Variants in TRPM7 observed in about 807,000 individuals in gnomAD.
The protein encoded by TRPM7 is transient receptor potential cation channel subfamily M member 7.
Under a neutral mutation model 229.7 loss-of-function variants are expected in TRPM7, and 134 were observed. That is an observed-to-expected ratio of 0.58 (90% confidence interval 0.51 to 0.67). The LOEUF is 0.67. TRPM7 is among the 30% of genes least tolerant of loss of function. TRPM7 has a pLI of 0.00. For missense variants in TRPM7, 1,901 were observed against 2,210.0 expected (o/e 0.86, Z 2.80); for synonymous variants, 699 against 715.2 (o/e 0.98, Z 0.36).
intron 36 of TRPM7, among the ~76,000 whole-genome samples, chr15:50,571,283 T>C (rs1447458703): frequency 6.6e-6 from 1 of 152,228 alleles, no homozygotes; most frequent in Non-Finnish European, 1.5e-5. Flanking sequence ...CTGAGTATGA[T>C]TTCTGATAAG....
rs575428448 is a variant in TRPM7, at chr15:50,567,680, G to A, written c.5467+2207C>T. On this transcript the variant is annotated intron_variant, in intron 38 of 38. Transcript: ENST00000646667. ...TGGCTCAACATTAAAAAAATCAATC[G>A]ATGTAATACACTATATTAACCTATT... Among the ~76,000 whole-genome samples, 69 of 151,702 alleles carry A rather than the reference G, an allele frequency of 4.5e-4. 1 individual carries two copies. In the South Asian group the frequency reaches 0.013, roughly 29 times the overall value.
Position 50,614,132 on chromosome 15 carries a change from T to C in TRPM7, c.1626A>G (p.Gly542=), listed in dbSNP as rs1304582344. ...CACAAATTTTACATACCCGATTATT[T>C]CCACCAAGACTATTATATATTAATC... The part of the protein sequence containing the change: ...RFRLIYNSLG[G]NNRRSGRNTS... Residue 542 remains glycine (G), a synonymous_variant, in exon 14 of 39, where the codon GGA becomes GGG. Transcript: ENST00000646667. The C allele has an allele frequency of 6.3e-7, 1 of 1,597,948 alleles. No homozygotes were observed. The highest frequency in any genetic ancestry group is 8.5e-7 in the Non-Finnish European group (1 of 1,175,440).
rs79345642 is a variant in TRPM7 at position 50,561,326 on chromosome 15, T to C, written c.*352A>G. The C allele has an allele frequency of 0.026, 4,673 of 176,394 alleles. 218 individuals are homozygous for C. The highest frequency in any genetic ancestry group is 0.1 in the African/African-American group (4,457 of 42,500). The allele number at this position is 176,394 out of a possible 1,614,324, so 10.9% of individuals were successfully genotyped here. A position where few individuals can be genotyped will look rare whatever the true frequency, so the allele number is the denominator to read the frequency against. On this transcript the variant is annotated 3_prime_UTR_variant, in exon 39 of 39. Coordinates refer to ENST00000646667, the MANE Select transcript of TRPM7 (RefSeq NM_017672.6). ...CAATAAAACAGCTGCCAATAAAATC[T>C]GCATGGACACCTACCTTTGGTTAAT...
chr15:50,593,005 T>C (rs2059544156), intron 25 of TRPM7, among the ~76,000 whole-genome samples: 1 of 151,962 alleles, frequency 6.6e-6, no homozygotes, highest in African/African-American at 2.4e-5. Flanking sequence ...AAAAAAGAAA[T>C]GCTGGCCAGG....
In TRPM7 at chr15:50,619,799, C is replaced by T. The variant is rs868022717; in HGVS notation, c.1441-1G>A. 6.2e-7 allele frequency: 1 copy of T among 1,600,274 alleles called. No homozygotes were observed. Among genetic ancestry groups the T allele is most frequent in the Admixed American group, 1.8e-5 (1 of 56,986 alleles). ...GCATTGGATTAGTTGGACCTTGTTTCTTTAGGGAGAAAAAGTTACAGCAAA... is the reference window on the plus strand; with the variant it reads ...GCATTGGATTAGTTGGACCTTGTTTTTTTAGGGAGAAAAAGTTACAGCAAA... On this transcript the variant is annotated splice_acceptor_variant, in intron 12 of 38. Transcript: ENST00000646667. LOFTEE classifies it high-confidence loss of function.
At chr15:50,576,338 C>A (rs1447216694) in intron 31 of TRPM7, among the ~76,000 whole-genome samples, 1 of 152,104 alleles carries the variant, frequency 6.6e-6, no homozygotes, top group Non-Finnish European at 1.5e-5. Context: ...CTTCCCCCAT[C>A]TTTTTGTGTG....
At chr15:50,589,444 G>A (rs868487536) in intron 27 of TRPM7, 148 bp downstream of exon 27, 14 of 553,936 alleles carry the variant, frequency 2.5e-5, no homozygotes, top group Middle Eastern at 9.2e-4. Flanking sequence ...TTCAAACTGA[G>A]GACAGCTTCA....
chr15:50,655,514 A>G (rs553829601), intron 3 of TRPM7, among the ~76,000 whole-genome samples: 32 of 152,172 alleles, frequency 2.1e-4, no homozygotes, highest in Non-Finnish European at 3.5e-4. Flanking sequence ...CGCAAGCAGA[A>G]TAAGTACAAA....
intron 1 of TRPM7, among the ~76,000 whole-genome samples, chr15:50,679,938 T>C (rs2062205886): frequency 1.3e-5 from 2 of 152,178 alleles, no homozygotes; most frequent in South Asian, 4.1e-4. Context: ...TCTGCACTTG[T>C]CAAAATAAAA....
At chr15:50,620,938 A>G (rs1313860228) in intron 12 of TRPM7, among the ~76,000 whole-genome samples, 1 of 152,004 alleles carries the variant, frequency 6.6e-6, no homozygotes, top group Non-Finnish European at 1.5e-5. Context: ...ATCCCCCAAA[A>G]AAGTAAAAAA....
intron 1 of TRPM7, among the ~76,000 whole-genome samples, chr15:50,665,225 C>T (rs1421330686): frequency 6.6e-6 from 1 of 151,844 alleles, no homozygotes; most frequent in Non-Finnish European, 1.5e-5. Context: ...ATGGTGAAAC[C>T]CGTCTCTACT....
chr15:50,668,487 C>T (rs1458669814), intron 1 of TRPM7, among the ~76,000 whole-genome samples: 5 of 152,044 alleles, frequency 3.3e-5, no homozygotes, highest in African/African-American at 1.2e-4. Flanking sequence ...GTACTCTTAA[C>T]TTATGGCAAT....
intron 28 of TRPM7, among the ~76,000 whole-genome samples, chr15:50,584,697 G>A (rs961045715): frequency 6.6e-5 from 10 of 150,554 alleles, no homozygotes; most frequent in East Asian, 2.0e-4. Flanking sequence ...AATCTGAAAC[G>A]CTCCAATGAG....
At position 50,609,674 on chromosome 15, in the gene TRPM7, CTCATTCTTTCCT is replaced by C; in HGVS notation, c.2475_2486del (p.Gly826_Glu829del). The C allele has an allele frequency of 6.2e-7, 1 of 1,611,112 alleles. No homozygotes were observed. Among genetic ancestry groups the C allele is most frequent in the African/African-American group, 1.3e-5 (1 of 74,896 alleles). The stretch of plus-strand genomic sequence containing the variant: ...TTTTTGATTTCATTTGTATCTCCAT[CTCATTCTTTCCT>C]TCATTACTATCCAAAATCCGTACTT... On this transcript the variant is annotated inframe_deletion, in exon 19 of 39. Coordinates refer to ENST00000646667, the MANE Select transcript of TRPM7 (RefSeq NM_017672.6).
intron 4 of TRPM7, among the ~76,000 whole-genome samples, chr15:50,643,957 A>G (rs2061186372): frequency 6.6e-6 from 1 of 152,212 alleles, no homozygotes; most frequent in African/African-American, 2.4e-5. Flanking sequence ...GGGGAAAAAT[A>G]TGGAGGCTTC....
chr15:50,619,228 T>G (rs1022381861), intron 13 of TRPM7, among the ~76,000 whole-genome samples: 1 of 151,194 alleles, frequency 6.6e-6, no homozygotes, highest in East Asian at 1.9e-4. Context: ...TTTTTCTTTT[T>G]TTTTTTTTTT....
At chr15:50,680,479 G>A (rs551695663) in intron 1 of TRPM7, among the ~76,000 whole-genome samples, 13 of 151,856 alleles carry the variant, frequency 8.6e-5, no homozygotes, top group Admixed American at 7.9e-4. Flanking sequence ...TGCAGCAGGA[G>A]AATGGCTTGA....
Position 50,592,630 on chromosome 15 carries a change from T to A in TRPM7, c.3609-4A>T. On this transcript the variant is annotated splice_region_variant and splice_polypyrimidine_tract_variant and intron_variant, in intron 25 of 38. Transcript: ENST00000646667. ...CTGAATGCACATCTGTTCCACTCTG[T>A]AGGAGAGAAATAAGCTTTTTTTACA... 1 of 1,516,656 alleles carries A rather than the reference T, an allele frequency of 6.6e-7. No individual in the cohort carries two copies. Among genetic ancestry groups the A allele is most frequent in the Non-Finnish European group, 8.8e-7 (1 of 1,133,038 alleles). The allele number at this position is 1,516,656 out of a possible 1,614,324, so 93.9% of individuals were successfully genotyped here.
Position 50,561,176 on chromosome 15 carries a change from G to A in TRPM7, c.*502C>T, listed in dbSNP as rs1372934752. 3 of 152,882 alleles carry A rather than the reference G, an allele frequency of 2.0e-5. No homozygotes were observed. The highest frequency in any genetic ancestry group is 2.1e-4 in the South Asian group (1 of 4,822). The allele number at this position is 152,882 out of a possible 1,614,324, so 9.5% of individuals were successfully genotyped here. A position where few individuals can be genotyped will look rare whatever the true frequency, so the allele number is the denominator to read the frequency against. On this transcript the variant is annotated 3_prime_UTR_variant, in exon 39 of 39. Coordinates refer to ENST00000646667, the MANE Select transcript of TRPM7 (RefSeq NM_017672.6). ...TAGAACAAGTCATTTCCCTTCCCGT[G>A]GCCAACAAGCATCTAGTTGGGAACC...
Sources: gnomAD v4.1 joint callset for allele counts (sites outside exome capture counted in the v4.1 genomes callset) on GRCh38, gnomAD v4.1.1 for gene constraint, MANE v1.5 for transcripts, NCBI Gene and HGNC (gene_info 2026-07-23, HGNC 2026-07-21) for gene names.